ADAMTS2: variants seen among roughly 807,000 people sequenced by gnomAD.
ADAMTS2 encodes ADAM metallopeptidase with thrombospondin type 1 motif 2.
In ADAMTS2, 50 loss-of-function variants were observed where a neutral mutation model predicts 123.0. The observed-to-expected ratio is 0.41, with a 90% CI of 0.32 to 0.51. The LOEUF (loss-of-function observed/expected upper bound fraction) is 0.51, where lower values mean the gene tolerates loss of function less well. Ranked by LOEUF, ADAMTS2 falls within the 20% of genes least tolerant of loss-of-function variation. ADAMTS2 has a pLI of 0.35. For missense variants in ADAMTS2, 1,494 were observed against 1,705.2 expected (o/e 0.88, Z 2.18); for synonymous variants, 678 against 695.4 (o/e 0.98, Z 0.39).
intron 3 of ADAMTS2, among the ~76,000 whole-genome samples, chr5:179,218,167 C>T (rs77456851): frequency 0.018 from 2,667 of 152,320 alleles, 55 homozygotes; most frequent in Middle Eastern, 0.058. Context: ...AGTTCCTGCA[C>T]ACAAGCACTG....
intron 3 of ADAMTS2, among the ~76,000 whole-genome samples, chr5:179,253,346 T>TA (rs929399618): frequency 2.0e-5 from 3 of 152,004 alleles, no homozygotes; most frequent in Admixed American, 6.6e-5. Flanking sequence ...ATTTGTCTTA[T>TA]AAAAAAAGAC....
rs548949580 is a variant in ADAMTS2, at chr5:179,174,199, G to A, written c.975+6873C>T. On this transcript the variant is annotated intron_variant, in intron 5 of 21. Coordinates refer to ENST00000251582, the MANE Select transcript of ADAMTS2 (RefSeq NM_014244.5). ...TGGTGTATTATTTATTTCTTTAACA[G>A]TAGAGTTAGATATTTTTCCATATGG... Among the ~76,000 whole-genome samples, 8 of 152,132 alleles carry A rather than the reference G, an allele frequency of 5.3e-5. No individual in the cohort carries two copies. The East Asian group carries it at 1.5e-3, about 29-fold the overall frequency.
chr5:179,144,500 C>T (rs1183585006), intron 10 of ADAMTS2, among the ~76,000 whole-genome samples: 1 of 152,176 alleles, frequency 6.6e-6, no homozygotes, highest in Non-Finnish European at 1.5e-5. Context: ...AGACACTTCA[C>T]CATTTCGAAG....
chr5:179,200,071 T>C (rs1018141498), intron 4 of ADAMTS2, among the ~76,000 whole-genome samples: 3 of 152,116 alleles, frequency 2.0e-5, no homozygotes, highest in African/African-American at 7.2e-5. Context: ...CACATTTTCA[T>C]TGTGCGTTGG....
At chr5:179,318,316 G>A (rs547251679) in intron 2 of ADAMTS2, among the ~76,000 whole-genome samples, 24 of 152,370 alleles carry the variant, frequency 1.6e-4, no homozygotes, top group Admixed American at 1.4e-3. Context: ...CTGAGCCTCA[G>A]CACACAGGAG....
chr5:179,129,485 G>A lies in ADAMTS2; in HGVS notation c.2457+447C>T, dbSNP rs1298188576. ...AAAAAGAAAGTGATTTGAAAATCCA[G>A]CCCCCGTGGTACTTTCCTACAACCA... On this transcript the variant is annotated intron_variant, in intron 16 of 21. Transcript: ENST00000251582. The surrounding 1 kb of genome is among the most constrained non-coding windows in gnomAD (Gnocchi z 4.1). Among the ~76,000 whole-genome samples, 1 of 152,106 alleles carries A rather than the reference G, an allele frequency of 6.6e-6. No individual in the cohort carries two copies. The highest frequency in any genetic ancestry group is 1.5e-5 in the Non-Finnish European group (1 of 68,010).
At position 179,111,592 on chromosome 5, in the gene ADAMTS2, A is replaced by T. The variant is rs550322052; in HGVS notation, c.*2275T>A. The T allele has an allele frequency of 3.9e-5, 6 of 152,382 alleles. No individual in the cohort carries two copies. The highest frequency in any genetic ancestry group is 3.4e-3 in the Middle Eastern group (1 of 294). 9.4% of individuals were successfully genotyped at this position (152,382 alleles called of 1,614,324 possible). On this transcript the variant is annotated 3_prime_UTR_variant, in exon 22 of 22. Transcript: ENST00000251582. ...AAGACAGGTGCCCAGGGAATGTCCC[A>T]GCTGGGCCTCTTCCCAAAGGCTTCC...
Position 179,181,472 on chromosome 5 carries a change from G to T in ADAMTS2, c.892-317C>A, listed in dbSNP as rs941721436. Among the ~76,000 whole-genome samples, 1 of 152,154 alleles carries T rather than the reference G, an allele frequency of 6.6e-6. No individual in the cohort carries two copies. The highest frequency in any genetic ancestry group is 1.5e-5 in the Non-Finnish European group (1 of 68,032). ...AGCCCTACGCTTGCTGTAGCCTCCA[G>T]CTGAAACACAACCTTCCCTTCAACA... On this transcript the variant is annotated intron_variant, in intron 4 of 21. Transcript: ENST00000251582. This position sits in a 1 kb window ranked among gnomAD's most constrained non-coding sequence, Gnocchi z 4.1.
At position 179,115,421 on chromosome 5, in the gene ADAMTS2, T is replaced by A. The variant is rs1265156080; in HGVS notation, c.3179-1097A>T. ...AAGTCATGTTACAGGAGATACTTGA[T>A]CCAGTATAAATTCCGAATCACTGAC... is the stretch of plus-strand genomic sequence containing the variant. On this transcript the variant is annotated intron_variant, in intron 21 of 21. Coordinates refer to ENST00000251582, the MANE Select transcript of ADAMTS2 (RefSeq NM_014244.5). This position sits in a 1 kb window ranked among gnomAD's most constrained non-coding sequence, Gnocchi z 4.4. 3.3e-5 allele frequency among the ~76,000 whole-genome samples: 5 copies of A among 152,160 alleles called. No individual in the cohort carries two copies. Among genetic ancestry groups the A allele is most frequent in the Non-Finnish European group, 7.3e-5 (5 of 68,042 alleles).
chr5:179,337,010 T>C (rs1222503696), intron 2 of ADAMTS2, among the ~76,000 whole-genome samples: 2 of 152,192 alleles, frequency 1.3e-5, no homozygotes, highest in African/African-American at 4.8e-5. Flanking sequence ...CCTGGAGTCG[T>C]CGTGCAGTGT....
chr5:179,325,416 C>T, intron 2 of ADAMTS2, among the ~76,000 whole-genome samples: 1 of 152,192 alleles, frequency 6.6e-6, no homozygotes, highest in East Asian at 1.9e-4. Context: ...AGACAGAAGG[C>T]AATGGGGACC....
At chr5:179,198,144 G>C (rs1305092393) in intron 4 of ADAMTS2, among the ~76,000 whole-genome samples, 1 of 152,178 alleles carries the variant, frequency 6.6e-6, no homozygotes, top group African/African-American at 2.4e-5. Context: ...GCCCTCGGGG[G>C]CGGGGGGCGG....
intron 2 of ADAMTS2, among the ~76,000 whole-genome samples, chr5:179,288,580 T>C (rs1317923608): frequency 6.6e-6 from 1 of 152,100 alleles, no homozygotes; most frequent in Non-Finnish European, 1.5e-5. Context: ...GAGCCCACAC[T>C]GGTGACTCTG....
At chr5:179,134,262 A>T (rs1405435532) in intron 13 of ADAMTS2, among the ~76,000 whole-genome samples, 3 of 152,086 alleles carry the variant, frequency 2.0e-5, no homozygotes, top group Non-Finnish European at 4.4e-5. Flanking sequence ...TACACCTCCC[A>T]GGGGTATCCA....
intron 2 of ADAMTS2, among the ~76,000 whole-genome samples, chr5:179,321,819 G>T (rs1185626408): frequency 2.6e-5 from 4 of 152,116 alleles, no homozygotes; most frequent in Non-Finnish European, 4.4e-5. Context: ...ATCTGTGCAA[G>T]TCAAAAGCTG....
intron 2 of ADAMTS2, among the ~76,000 whole-genome samples, chr5:179,322,246 G>A (rs1757203961): frequency 6.6e-6 from 1 of 152,206 alleles, no homozygotes; most frequent in African/African-American, 2.4e-5. Flanking sequence ...TGCCGGTGCT[G>A]GGAATGCCAA....
intron 9 of ADAMTS2, among the ~76,000 whole-genome samples, chr5:179,152,751 A>G (rs1449475850): frequency 6.6e-6 from 1 of 151,944 alleles, no homozygotes; most frequent in Non-Finnish European, 1.5e-5. Flanking sequence ...CGTGGCCCTG[A>G]GCCTCCCCTA....
rs1048665482 is a variant in ADAMTS2 at position 179,285,559 on chromosome 5, G to C, written c.535-12495C>G. Among the ~76,000 whole-genome samples the C allele has an allele frequency of 6.6e-6, 1 of 152,188 alleles. No individual in the cohort carries two copies. The highest frequency in any genetic ancestry group is 2.4e-5 in the African/African-American group (1 of 41,452). ...GAGCTGGCCAGCCAGACCCAGCCAG[G>C]ACACAGAGGTCAGTGGGTCAGACCC... On this transcript the variant is annotated intron_variant, in intron 2 of 21. Coordinates refer to ENST00000251582, the MANE Select transcript of ADAMTS2 (RefSeq NM_014244.5). The surrounding 1 kb of genome is among the most constrained non-coding windows in gnomAD (Gnocchi z 4.9).
intron 2 of ADAMTS2, among the ~76,000 whole-genome samples, chr5:179,335,849 A>G (rs1050295281): frequency 1.3e-5 from 2 of 152,142 alleles, no homozygotes; most frequent in African/African-American, 4.8e-5. Context: ...AGGTAACGGG[A>G]AGGGCTGCAG....
Sources: allele counts gnomAD v4.1 joint callset (sites outside exome capture counted in the v4.1 genomes callset), GRCh38; gene constraint gnomAD v4.1.1; non-coding constraint Gnocchi (gnomAD v3.1); transcripts MANE v1.5; gene names NCBI Gene and HGNC (gene_info 2026-07-23, HGNC 2026-07-21).